The following SV2B variants were observed in gnomAD, a reference collection of about 807,000 sequenced individuals.
The protein encoded by SV2B is synaptic vesicle glycoprotein 2B, also known as solute carrier family 22 member B2.
A neutral mutation model predicts 73.9 loss-of-function variants in SV2B; 41 were observed. That is an observed-to-expected ratio of 0.56 (90% CI 0.43 to 0.72). The LOEUF (loss-of-function observed/expected upper bound fraction) is 0.72. SV2B is among the 30% of genes least tolerant of loss of function. The pLI, the probability that SV2B is intolerant of heterozygous loss-of-function variation, is 0.00. For missense variants in SV2B, 764 were observed against 857.8 expected, an observed-to-expected ratio of 0.89 and a Z score of 1.37; for synonymous variants, 314 against 314.2, an observed-to-expected ratio of 1.00 and a Z score of 0.01.
chr15:91,104,628 T>C (rs2041828648), intron 1 of SV2B, among the ~76,000 whole-genome samples: 1 of 152,198 alleles, frequency 6.6e-6, no homozygotes, highest in African/African-American at 2.4e-5. Context: ...CATAGGGACC[T>C]GAATATTTAT....
At chr15:91,151,031 A>T (rs559457352) in intron 1 of SV2B, among the ~76,000 whole-genome samples, 2 of 152,334 alleles carry the variant, frequency 1.3e-5, no homozygotes, top group South Asian at 4.1e-4. Context: ...CATCCAGATG[A>T]TCCTCAGTCA....
At chr15:91,271,599 C>T (rs1301427248) in intron 9 of SV2B, among the ~76,000 whole-genome samples, 2 of 152,166 alleles carry the variant, frequency 1.3e-5, no homozygotes, top group African/African-American at 4.8e-5. Flanking sequence ...AGACACTAAA[C>T]CTATACCCAC....
At chr15:91,278,763 G>A (rs1004429692) in intron 9 of SV2B, among the ~76,000 whole-genome samples, 1 of 150,562 alleles carries the variant, frequency 6.6e-6, no homozygotes, top group Non-Finnish European at 1.5e-5. Context: ...TTAGGCCCAA[G>A]TACATATTTT....
chr15:91,117,687 A>G (rs1465902231), intron 1 of SV2B, among the ~76,000 whole-genome samples: 2 of 152,232 alleles, frequency 1.3e-5, no homozygotes, highest in African/African-American at 4.8e-5. Flanking sequence ...GTTTGCTAGC[A>G]TTTCATTGGC....
intron 1 of SV2B, among the ~76,000 whole-genome samples, chr15:91,213,299 C>T (rs544126321): frequency 6.6e-6 from 1 of 152,286 alleles, no homozygotes; most frequent in Admixed American, 6.5e-5. Context: ...GTGTTACTTT[C>T]CAGTGAGATA....
intron 1 of SV2B, among the ~76,000 whole-genome samples, chr15:91,204,605 A>G (rs1043188223): frequency 7.3e-6 from 1 of 137,178 alleles, no homozygotes; most frequent in Admixed American, 8.0e-5. Flanking sequence ...TGTCTATACT[A>G]GAGCATAGTG....
At chr15:91,254,593 A>G (rs1322592906) in intron 4 of SV2B, among the ~76,000 whole-genome samples, 3 of 152,190 alleles carry the variant, frequency 2.0e-5, no homozygotes, top group African/African-American at 7.2e-5. Context: ...AAGCAACTGA[A>G]ATCTAAATAA....
chr15:91,266,828 G>A lies in SV2B; in HGVS notation c.1119+136G>A, dbSNP rs186858758. Reference sequence around the variant, plus strand: ...TGGAGAGGAAGCAACCCTGGAGGGGGGCGTTTGGGCTCCAGCCCACGTCTG... The same window carrying A: ...TGGAGAGGAAGCAACCCTGGAGGGGAGCGTTTGGGCTCCAGCCCACGTCTG... On this transcript the variant is annotated intron_variant, in intron 7 of 12. Transcript: ENST00000394232. 1,616 of 627,586 alleles carry A rather than the reference G, an allele frequency of 2.6e-3. 23 individuals carry two copies. The highest frequency in any genetic ancestry group is 0.019 in the Admixed American group (576 of 30,360). 38.9% of individuals were successfully genotyped at this position (627,586 alleles called of 1,614,324 possible).
chr15:91,181,234 G>A (rs2044544737), intron 1 of SV2B, among the ~76,000 whole-genome samples: 1 of 152,150 alleles, frequency 6.6e-6, no homozygotes, highest in African/African-American at 2.4e-5. Context: ...AAATGCTGCT[G>A]TCTGATTGTT....
chr15:91,291,150 A>G (rs2049027169), intron 12 of SV2B, among the ~76,000 whole-genome samples: 1 of 149,760 alleles, frequency 6.7e-6, no homozygotes, highest in Non-Finnish European at 1.5e-5. Context: ...ATTTTGGATA[A>G]GAAGATTCAA....
intron 1 of SV2B, among the ~76,000 whole-genome samples, chr15:91,201,222 CTT>C (rs1432527960): frequency 6.6e-6 from 1 of 152,170 alleles, no homozygotes; most frequent in Non-Finnish European, 1.5e-5. Flanking sequence ...TTGGGTGCCT[CTT>C]TGTACTATGT....
intron 1 of SV2B, among the ~76,000 whole-genome samples, chr15:91,207,286 GT>G (rs1440705140): frequency 2.0e-5 from 3 of 150,738 alleles, no homozygotes; most frequent in African/African-American, 7.4e-5. Flanking sequence ...GCCTCCCAAA[GT>G]GCTGGGATTA....
intron 11 of SV2B, among the ~76,000 whole-genome samples, chr15:91,285,359 A>G (rs902471900): frequency 3.3e-5 from 5 of 152,158 alleles, no homozygotes; most frequent in African/African-American, 7.2e-5. Context: ...TTGAGGCCCT[A>G]TGGGGGAAGG....
intron 1 of SV2B, among the ~76,000 whole-genome samples, chr15:91,189,492 A>G (rs564393429): frequency 1.3e-3 from 197 of 152,264 alleles, no homozygotes; most frequent in African/African-American, 4.5e-3. Context: ...GTATATATGT[A>G]GTTCGATACT....
chr15:91,256,795 G>A (rs531453221), intron 4 of SV2B, among the ~76,000 whole-genome samples: 2 of 152,292 alleles, frequency 1.3e-5, no homozygotes, highest in South Asian at 2.1e-4. Context: ...CCTCTACCTA[G>A]TCTTTTAATT....
chr15:91,202,812 T>C (rs181772824), intron 1 of SV2B, among the ~76,000 whole-genome samples: 4 of 152,148 alleles, frequency 2.6e-5, no homozygotes, highest in Admixed American at 2.6e-4. Flanking sequence ...TCAATGGGCC[T>C]GGCCTTTTTA....
At position 91,240,566 on chromosome 15, in the gene SV2B, C is replaced by T. The variant is rs2046970663; in HGVS notation, c.452-11253C>T. ...AAAAACCAAGATGGCTCTCTCTGACCTCCATTTTTCCACTGGCAAGAGTAA... is the reference window on the plus strand; with the variant it reads ...AAAAACCAAGATGGCTCTCTCTGACTTCCATTTTTCCACTGGCAAGAGTAA... On this transcript the variant is annotated intron_variant, in intron 2 of 12. Coordinates refer to ENST00000394232, the MANE Select transcript of SV2B (RefSeq NM_001323032.3). The surrounding 1 kb of genome is among the most constrained non-coding windows in gnomAD (Gnocchi z 4.6). 6.6e-6 allele frequency among the ~76,000 whole-genome samples: 1 copy of T among 152,072 alleles called. No individual in the cohort carries two copies. Among genetic ancestry groups the T allele is most frequent in the South Asian group, 2.1e-4 (1 of 4,804 alleles).
chr15:91,101,485 A>G (rs1408234491), intron 1 of SV2B, among the ~76,000 whole-genome samples: 1 of 152,130 alleles, frequency 6.6e-6, no homozygotes, highest in East Asian at 1.9e-4. Context: ...AGAGATGATG[A>G]TAACAATGTC....
chr15:91,213,905 C>T (rs1253091823), intron 1 of SV2B, among the ~76,000 whole-genome samples: 2 of 152,018 alleles, frequency 1.3e-5, no homozygotes, highest in African/African-American at 4.8e-5. Flanking sequence ...CTGTGCTGGC[C>T]CCCAAAAGGA....
Sources: allele counts gnomAD v4.1 joint callset (sites outside exome capture counted in the v4.1 genomes callset), GRCh38; gene constraint gnomAD v4.1.1; non-coding constraint Gnocchi (gnomAD v3.1); transcripts MANE v1.5; gene names NCBI Gene and HGNC (gene_info 2026-07-23, HGNC 2026-07-21).